The following FAM13A variants were observed in gnomAD, a reference collection of about 807,000 sequenced individuals.
FAM13A encodes the protein family with sequence similarity 13 member A, also known as protein FAM13A.
A neutral mutation model predicts 129.6 loss-of-function variants in FAM13A; 76 were observed. The observed-to-expected ratio is 0.59, with a 90% CI of 0.49 to 0.71. The LOEUF is 0.71. Ranked by LOEUF, FAM13A falls within the 30% of genes least tolerant of loss-of-function variation. The pLI is 0.00. For synonymous variants in FAM13A, 443 were observed against 449.9 expected, an observed-to-expected ratio of 0.98 and a Z score of 0.20; for missense variants, 1,108 against 1,249.3, an observed-to-expected ratio of 0.89 and a Z score of 1.70.
At chr4:88,828,954 C>T (rs13115763) in intron 7 of FAM13A, among the ~76,000 whole-genome samples, 48,992 of 152,076 alleles carry the variant, frequency 0.32, 8,416 homozygotes, top group East Asian at 0.62. Context: ...TCCTTTTACA[C>T]GTTTTAGCTG....
intron 5 of FAM13A, among the ~76,000 whole-genome samples, chr4:88,909,866 C>T (rs1018914164): frequency 6.6e-5 from 10 of 152,062 alleles, no homozygotes; most frequent in Non-Finnish European, 1.2e-4. Flanking sequence ...ACACACAAAG[C>T]CATAGATTGT....
intron 3 of FAM13A, among the ~76,000 whole-genome samples, chr4:88,999,387 T>C (rs1763959768): frequency 6.6e-6 from 1 of 152,174 alleles, no homozygotes; most frequent in African/African-American, 2.4e-5. Flanking sequence ...CTTATTTGTA[T>C]GAGAATTTAT....
chr4:88,938,022 A>G lies in FAM13A; in HGVS notation c.759+66T>C. ...TATCCATATGGAATTTTTATGAGAA[A>G]GAATTAAATAAAATCTTCTGTCCAA... On this transcript the variant is annotated intron_variant, in intron 5 of 23. Coordinates refer to ENST00000264344, the MANE Select transcript of FAM13A (RefSeq NM_014883.4). 3 of 1,247,894 alleles carry G rather than the reference A, an allele frequency of 2.4e-6. No individual in the cohort carries two copies. In the Admixed American group the frequency reaches 5.2e-5, roughly 22 times the overall value. The allele number at this position is 1,247,894 out of a possible 1,614,324, so 77.3% of individuals were successfully genotyped here. A position where few individuals can be genotyped will look rare whatever the true frequency, so the allele number is the denominator to read the frequency against.
At chr4:89,046,247 A>C (rs975958580) in intron 1 of FAM13A, among the ~76,000 whole-genome samples, 1 of 152,054 alleles carries the variant, frequency 6.6e-6, no homozygotes, top group Non-Finnish European at 1.5e-5. Flanking sequence ...TAAAAATAAA[A>C]TAAAAGTATA....
intron 1 of FAM13A, among the ~76,000 whole-genome samples, chr4:89,033,309 A>T (rs1277484662): frequency 6.6e-6 from 1 of 152,216 alleles, no homozygotes; most frequent in Non-Finnish European, 1.5e-5. Context: ...CAATACTTCA[A>T]ACGGCTTCAC....
At chr4:89,000,854 G>A (rs958962379) in intron 3 of FAM13A, among the ~76,000 whole-genome samples, 1 of 152,188 alleles carries the variant, frequency 6.6e-6, no homozygotes, top group Non-Finnish European at 1.5e-5. Context: ...CCACTAAAAT[G>A]ACAATTTTTT....
intron 3 of FAM13A, among the ~76,000 whole-genome samples, chr4:89,009,669 A>G (rs1765487078): frequency 6.6e-6 from 1 of 152,228 alleles, no homozygotes; most frequent in African/African-American, 2.4e-5. Flanking sequence ...TGCAAACCAT[A>G]TATAATAGTA....
chr4:88,965,817 G>C (rs1351568051), intron 4 of FAM13A, among the ~76,000 whole-genome samples: 1 of 152,124 alleles, frequency 6.6e-6, no homozygotes, highest in Non-Finnish European at 1.5e-5. Flanking sequence ...TACAGTATTT[G>C]TCTTTTTGTG....
At chr4:88,905,815 T>C (rs2609265) in intron 6 of FAM13A, 112,785 of 152,074 alleles carry the variant, frequency 0.74, 42,123 homozygotes, top group Non-Finnish European at 0.79. Context: ...TAGGAGTGTC[T>C]GAAGAATTTT....
intron 6 of FAM13A, among the ~76,000 whole-genome samples, chr4:88,856,860 C>A (rs1365880076): frequency 6.6e-6 from 1 of 152,062 alleles, no homozygotes; most frequent in African/African-American, 2.4e-5. Flanking sequence ...AACAAAGTAT[C>A]AGAAAAGAGA....
chr4:88,847,384 C>T (rs1009002811), intron 7 of FAM13A, among the ~76,000 whole-genome samples: 42 of 152,086 alleles, frequency 2.8e-4, no homozygotes, highest in African/African-American at 9.2e-4. Flanking sequence ...TAGTTAAAGC[C>T]TGTCTTAAAA....
At chr4:88,879,137 A>T (rs1209644006) in intron 6 of FAM13A, among the ~76,000 whole-genome samples, 2 of 152,202 alleles carry the variant, frequency 1.3e-5, no homozygotes, top group African/African-American at 2.4e-5. Context: ...CATGATGGAG[A>T]ACAATTAATA....
intron 3 of FAM13A, among the ~76,000 whole-genome samples, chr4:89,019,970 G>C (rs1767023269): frequency 1.3e-5 from 2 of 152,004 alleles, no homozygotes; most frequent in South Asian, 4.1e-4. Flanking sequence ...GTTCTCTAAT[G>C]TTTTCTAAAT....
At chr4:88,902,610 A>C (rs1256898704) in intron 6 of FAM13A, among the ~76,000 whole-genome samples, 1 of 152,202 alleles carries the variant, frequency 6.6e-6, no homozygotes, top group Non-Finnish European at 1.5e-5. Context: ...AATGTACCTC[A>C]AAATAATAAG....
intron 5 of FAM13A, among the ~76,000 whole-genome samples, chr4:88,917,382 C>T (rs1369113801): frequency 6.6e-6 from 1 of 151,996 alleles, no homozygotes; most frequent in African/African-American, 2.4e-5. Context: ...AGGAATCCAC[C>T]CCCATGACCC....
chr4:89,024,773 A>G (rs1223241124), intron 2 of FAM13A, among the ~76,000 whole-genome samples: 1 of 152,192 alleles, frequency 6.6e-6, no homozygotes, highest in East Asian at 1.9e-4. Flanking sequence ...AGTTTCAAAT[A>G]CAAGAAGGGG....
intron 6 of FAM13A, among the ~76,000 whole-genome samples, chr4:88,899,135 C>CAT (rs1561284150): frequency 1.3e-5 from 2 of 150,856 alleles, no homozygotes; most frequent in South Asian, 2.1e-4. Flanking sequence ...TACATACATA[C>CAT]GTATATATAT....
At chr4:88,766,869 T>C (rs1745792866) in intron 13 of FAM13A, among the ~76,000 whole-genome samples, 4 of 152,118 alleles carry the variant, frequency 2.6e-5, no homozygotes, top group Admixed American at 2.6e-4. Context: ...GCAAAACTGA[T>C]AAGATTGAAG....
chr4:89,010,064 G>C (rs1241765335), intron 3 of FAM13A, among the ~76,000 whole-genome samples: 1 of 152,146 alleles, frequency 6.6e-6, no homozygotes, highest in East Asian at 1.9e-4. Flanking sequence ...TTAAGCAAAG[G>C]ATCTTATCCT....
Sources: allele counts gnomAD v4.1 joint callset (sites outside exome capture counted in the v4.1 genomes callset), GRCh38; gene constraint gnomAD v4.1.1; transcripts MANE v1.5; gene names NCBI Gene and HGNC (gene_info 2026-07-23, HGNC 2026-07-21).